PCCA: variants seen among roughly 807,000 people sequenced by gnomAD.
PCCA encodes the protein propionyl-CoA carboxylase alpha chain, mitochondrial.
Under a neutral mutation model 101.3 loss-of-function variants are expected in PCCA, and 74 were observed. The ratio of observed to expected loss-of-function variants is 0.73; its 90% confidence interval spans 0.61 to 0.89. The LOEUF (loss-of-function observed/expected upper bound fraction) is 0.89. PCCA is among the 40% of genes least tolerant of loss of function. PCCA has a pLI of 0.00. For missense variants in PCCA, 891 were observed against 907.0 expected, an observed-to-expected ratio of 0.98 and a Z score of 0.23; for synonymous variants, 294 against 313.6, an observed-to-expected ratio of 0.94 and a Z score of 0.66.
chr13:100,511,736 A>G (rs1369996479), intron 21 of PCCA, among the ~76,000 whole-genome samples: 3 of 152,250 alleles, frequency 2.0e-5, no homozygotes, highest in Admixed American at 6.5e-5. Flanking sequence ...AAAACTGTAC[A>G]GCAAACTGCA....
chr13:100,323,245 A>G lies in PCCA; in HGVS notation c.1430-7316A>G, dbSNP rs368930686. On this transcript the variant is annotated intron_variant, in intron 16 of 23. Coordinates refer to ENST00000376285, the MANE Select transcript of PCCA (RefSeq NM_000282.4). ...TTGGCCTTCAGGCCATATTTTGCCA[A>G]CCATTGTCTTGTAGGAAAGTTACAC... is the stretch of plus-strand genomic sequence containing the variant. 6.6e-5 allele frequency among the ~76,000 whole-genome samples: 10 copies of G among 152,364 alleles called. No homozygotes were observed. In the South Asian group the frequency reaches 1.0e-3, roughly 16 times the overall value.
intron 15 of PCCA, 22 bp from the exon 16 acceptor site, chr13:100,309,811 T>G: frequency 6.5e-7 from 1 of 1,549,616 alleles, no homozygotes; most frequent in Non-Finnish European, 8.9e-7. Flanking sequence ...ATATATTGGG[T>G]TTTTTGTTTG....
intron 4 of PCCA, among the ~76,000 whole-genome samples, chr13:100,117,298 C>G (rs551429880): frequency 1.6e-4 from 25 of 151,990 alleles, no homozygotes; most frequent in African/African-American, 6.0e-4. Flanking sequence ...AAAGTAGTAC[C>G]AGTATATTGG....
intron 12 of PCCA, among the ~76,000 whole-genome samples, chr13:100,284,243 A>G (rs141269900): frequency 0.017 from 2,603 of 152,296 alleles, 92 homozygotes; most frequent in African/African-American, 0.059. Context: ...GTTGTGCCTG[A>G]AAGTCCCACA....
chr13:100,346,176 G>A (rs2072184447), intron 18 of PCCA, among the ~76,000 whole-genome samples: 2 of 152,122 alleles, frequency 1.3e-5, no homozygotes, highest in Admixed American at 6.5e-5. Context: ...CATTTCACAA[G>A]GCGATAGCTG....
At chr13:100,199,199 G>A (rs556335988) in intron 6 of PCCA, among the ~76,000 whole-genome samples, 77 of 151,280 alleles carry the variant, frequency 5.1e-4, no homozygotes, top group African/African-American at 7.4e-5. Context: ...TGTTTACCCT[G>A]AATCCTGGAA....
intron 16 of PCCA, among the ~76,000 whole-genome samples, chr13:100,317,569 C>T (rs1175546724): frequency 6.6e-6 from 1 of 152,138 alleles, no homozygotes; most frequent in Non-Finnish European, 1.5e-5. Flanking sequence ...GTGTTGTGCT[C>T]ATCTCCCCAT....
At chr13:100,186,738 C>CAAAAAAAAACA (rs1555371307) in intron 6 of PCCA, among the ~76,000 whole-genome samples, 4 of 84,080 alleles carry the variant, frequency 4.8e-5, no homozygotes, top group Admixed American at 1.3e-4. Context: ...GATTCCATCT[C>CAAAAAAAAACA]AAAAAAAAAA....
intron 6 of PCCA, among the ~76,000 whole-genome samples, chr13:100,178,853 G>A (rs1053855949): frequency 1.3e-5 from 2 of 151,722 alleles, no homozygotes; most frequent in Non-Finnish European, 2.9e-5. Context: ...TGAGGCGGGC[G>A]GATCACAAGG....
intron 22 of PCCA, among the ~76,000 whole-genome samples, chr13:100,524,983 G>GGATGGATGGATAGGTAGATA (rs1555330339): frequency 2.9e-5 from 4 of 137,174 alleles, no homozygotes; most frequent in Non-Finnish European, 4.9e-5. Context: ...TCTCTAAGAT[G>GGATGGATGGATAGGTAGATA]GATAGATAGA....
At chr13:100,194,482 A>G (rs1434227982) in intron 6 of PCCA, among the ~76,000 whole-genome samples, 1 of 152,096 alleles carries the variant, frequency 6.6e-6, no homozygotes, top group African/African-American at 2.4e-5. Context: ...CAGTGGTGCA[A>G]CTTCAGCTCA....
chr13:100,470,474 G>C (rs2082916595), intron 21 of PCCA, among the ~76,000 whole-genome samples: 1 of 152,072 alleles, frequency 6.6e-6, no homozygotes, highest in African/African-American at 2.4e-5. Context: ...CTATCCTTGG[G>C]TTTAATGTTG....
chr13:100,185,131 A>G (rs1168818506), intron 6 of PCCA, among the ~76,000 whole-genome samples: 1 of 152,192 alleles, frequency 6.6e-6, no homozygotes, highest in Non-Finnish European at 1.5e-5. Context: ...CCTTCAAATG[A>G]TGCTCCTTCC....
At chr13:100,241,497 G>T (rs1472630961) in intron 8 of PCCA, among the ~76,000 whole-genome samples, 1 of 152,002 alleles carries the variant, frequency 6.6e-6, no homozygotes, top group Non-Finnish European at 1.5e-5. Context: ...TTGAGATAGG[G>T]TCTCGCTCTT....
chr13:100,449,148 C>A, intron 20 of PCCA, 104 bp from the exon 21 acceptor site: 1 of 645,604 alleles, frequency 1.5e-6, no homozygotes, highest in South Asian at 2.0e-5. Context: ...ATTTTGTTTA[C>A]CCATCCATCA....
At chr13:100,477,830 C>T (rs1269342983) in intron 21 of PCCA, among the ~76,000 whole-genome samples, 1 of 152,164 alleles carries the variant, frequency 6.6e-6, no homozygotes, top group African/African-American at 2.4e-5. Context: ...GTGACTGTCT[C>T]CTTGGCTCCT....
chr13:100,516,741 G>C (rs116596856), intron 22 of PCCA, among the ~76,000 whole-genome samples: 3 of 128,360 alleles, frequency 2.3e-5, no homozygotes, highest in African/African-American at 9.3e-5. Flanking sequence ...AATTACGTGT[G>C]TGTGTGTGTG....
Position 100,365,634 on chromosome 13 carries a change from G to A in PCCA, c.1644-2838G>A, listed in dbSNP as rs140455977. 5.8e-3 allele frequency among the ~76,000 whole-genome samples: 883 copies of A among 152,332 alleles called. 24 individuals are homozygous for A. The highest frequency in any genetic ancestry group is 0.042 in the Admixed American group (637 of 15,288). On this transcript the variant is annotated intron_variant, in intron 18 of 23. Coordinates refer to ENST00000376285, the MANE Select transcript of PCCA (RefSeq NM_000282.4). ...TGAGGGAGGCAATATTTTCCTTGAA[G>A]GATCTGTTAGTGTGAGAAGCAGAGA...
At chr13:100,461,114 A>G (rs1412681720) in intron 21 of PCCA, among the ~76,000 whole-genome samples, 4 of 152,220 alleles carry the variant, frequency 2.6e-5, no homozygotes, top group Non-Finnish European at 2.9e-5. Context: ...TGTTTCTAAT[A>G]ATATCAGATG....
Sources: gnomAD v4.1 joint callset for allele counts (sites outside exome capture counted in the v4.1 genomes callset) on GRCh38, gnomAD v4.1.1 for gene constraint, MANE v1.5 for transcripts, NCBI Gene and HGNC (gene_info 2026-07-23, HGNC 2026-07-21) for gene names.